Variants in MACROH2A1 observed in about 807,000 individuals in gnomAD.
MACROH2A1 encodes the protein macroH2A.1 histone.
MACROH2A1 carries 2 observed loss-of-function variants against 31.6 expected under a neutral mutation model. The ratio of observed to expected loss-of-function variants is 0.06; its 90% confidence interval spans 0.03 to 0.20. The LOEUF (loss-of-function observed/expected upper bound fraction) is 0.20. MACROH2A1 is among the 10% of genes least tolerant of loss of function. The pLI is 1.00. For missense variants in MACROH2A1, 230 were observed against 474.0 expected, an observed-to-expected ratio of 0.49 and a Z score of 4.78; for synonymous variants, 169 against 189.6, an observed-to-expected ratio of 0.89 and a Z score of 0.89.
intron 4 of MACROH2A1, among the ~76,000 whole-genome samples, chr5:135,366,623 C>T (rs1763537834): frequency 6.6e-6 from 1 of 151,188 alleles, no homozygotes; most frequent in South Asian, 2.1e-4. Flanking sequence ...GAGGGATTTA[C>T]ATCTCTATAT....
At chr5:135,350,807 C>T in intron 6 of MACROH2A1, 1 of 1,556,604 alleles carries the variant, frequency 6.4e-7, no homozygotes, top group Non-Finnish European at 8.9e-7. Context: ...CTCGGCAGCA[C>T]CCGGCTAGGC....
intron 5 of MACROH2A1, chr5:135,357,639 A>C (rs1392086900): frequency 1.8e-6 from 1 of 555,636 alleles, no homozygotes. Context: ...GACACATTAG[A>C]AATGTTTTTT....
intron 4 of MACROH2A1, chr5:135,363,011 G>C (rs915872308): frequency 4.6e-5 from 7 of 152,128 alleles, no homozygotes; most frequent in African/African-American, 1.7e-4. Flanking sequence ...TTTGGGTCCT[G>C]GCTCCCCCAA....
intron 8 of MACROH2A1, among the ~76,000 whole-genome samples, chr5:135,337,262 G>A (rs1289606526): frequency 1.3e-5 from 2 of 152,268 alleles, no homozygotes; most frequent in Admixed American, 6.5e-5. Flanking sequence ...TGTAGCTGCA[G>A]CCGGGCTGCA....
Position 135,334,980 on chromosome 5 carries a change from T to C in MACROH2A1, c.1115A>G (p.Asn372Ser), listed in dbSNP as rs200327901. 37 of 1,613,454 alleles carry C rather than the reference T, an allele frequency of 2.3e-5. No individual in the cohort carries two copies. The highest frequency in any genetic ancestry group is 3.3e-5 in the South Asian group (3 of 91,038). ...YVQEMAKLDA[N>S] ...CTGGTTCTGTCATTGCTCAGCCTAG[T>C]TGGCGTCCAGCTTGGCCATTTCCTG... Residue 372 changes from asparagine to serine, a missense_variant, in exon 9 of 9, where the codon AAC (asparagine) becomes AGC (serine). Coordinates refer to ENST00000511689, the MANE Select transcript of MACROH2A1 (RefSeq NM_138610.3).
intron 5 of MACROH2A1, chr5:135,355,030 A>AT (rs1762003926): frequency 2.2e-6 from 1 of 453,244 alleles, no homozygotes; most frequent in Non-Finnish European, 4.4e-6. Context: ...AATTCACGCA[A>AT]TTTTTTCCAA....
intron 2 of MACROH2A1, among the ~76,000 whole-genome samples, chr5:135,384,125 T>A (rs2149930028): frequency 6.6e-6 from 1 of 152,312 alleles, no homozygotes; most frequent in East Asian, 1.9e-4. Context: ...CTTGTAGGAT[T>A]CCATCCCACA....
At chr5:135,365,257 G>A (rs937660523) in intron 4 of MACROH2A1, among the ~76,000 whole-genome samples, 19 of 152,158 alleles carry the variant, frequency 1.2e-4, no homozygotes, top group Non-Finnish European at 2.8e-4. Context: ...AAAACGTTAG[G>A]GATTCCACAG....
At chr5:135,376,535 T>C (rs1468416410) in intron 2 of MACROH2A1, among the ~76,000 whole-genome samples, 1 of 152,212 alleles carries the variant, frequency 6.6e-6, no homozygotes, top group Non-Finnish European at 1.5e-5. Context: ...TCTGCCTTCC[T>C]CACCTCTGGT....
intron 2 of MACROH2A1, among the ~76,000 whole-genome samples, chr5:135,386,690 A>C (rs914418170): frequency 6.6e-5 from 10 of 152,228 alleles, no homozygotes; most frequent in Admixed American, 6.5e-5. Flanking sequence ...TATCCACCTC[A>C]GGAGCACTGG....
rs1188515539 is a variant in MACROH2A1, at chr5:135,394,215, T to A, written c.-34+4847A>T. Among the ~76,000 whole-genome samples, 3 of 152,192 alleles carry A rather than the reference T, an allele frequency of 2.0e-5. No homozygotes were observed. The East Asian group carries it at 5.8e-4, about 29-fold the overall frequency. On this transcript the variant is annotated intron_variant, in intron 1 of 8. Transcript: ENST00000511689. ...CACTGCAAACCACCTTCATTCCCAC[T>A]GGCACCTTCAGCACACCCAGCATGC...
chr5:135,351,050 G>A (rs1406407570), intron 6 of MACROH2A1: 7 of 626,232 alleles, frequency 1.1e-5, no homozygotes, highest in African/African-American at 5.4e-5. Context: ...ATCAGTCCAC[G>A]CAGTGTGCGC....
intron 2 of MACROH2A1, among the ~76,000 whole-genome samples, chr5:135,387,864 T>G (rs895313921): frequency 6.6e-6 from 1 of 152,044 alleles, no homozygotes; most frequent in African/African-American, 2.4e-5. Flanking sequence ...AAGTCCAGGG[T>G]AAGGCTGGAA....
intron 8 of MACROH2A1, among the ~76,000 whole-genome samples, chr5:135,340,805 T>C (rs1344236512): frequency 6.6e-6 from 1 of 152,234 alleles, no homozygotes; most frequent in Non-Finnish European, 1.5e-5. Flanking sequence ...CCGGCTCTGG[T>C]GTAATCCCAT....
chr5:135,335,106 A>G lies in MACROH2A1; in HGVS notation c.989T>C (p.Ile330Thr), dbSNP rs776325735. The G allele has an allele frequency of 1.1e-5, 18 of 1,614,038 alleles. No homozygotes were observed. In the South Asian group the frequency reaches 2.0e-4, roughly 18 times the overall value. Residue 330 changes from isoleucine (I) to threonine (T), a missense_variant, in exon 9 of 9, where the codon ATT becomes ACT. Physicochemically the swap from Ile to Thr is moderately conservative, Grantham distance 89. Transcript: ENST00000511689. ...GFPKQTAAQL[I>T]LKAISSYFVS... Reference sequence around the variant, plus strand: ...GAAGTAACTGGAGATGGCCTTCAGAATCAGCTGAGCTGCTGTCTGCTTTGG... The same window carrying G: ...GAAGTAACTGGAGATGGCCTTCAGAGTCAGCTGAGCTGCTGTCTGCTTTGG...
intron 2 of MACROH2A1, among the ~76,000 whole-genome samples, chr5:135,386,226 C>T (rs1000366929): frequency 1.3e-5 from 2 of 152,208 alleles, no homozygotes; most frequent in Non-Finnish European, 2.9e-5. Flanking sequence ...AGCATTCTCA[C>T]TAGACATGGC....
intron 1 of MACROH2A1, among the ~76,000 whole-genome samples, chr5:135,392,171 A>G (rs1266889815): frequency 6.6e-6 from 1 of 152,200 alleles, no homozygotes; most frequent in Non-Finnish European, 1.5e-5. Context: ...CTTTGTGGAC[A>G]TGACCACAGC....
intron 4 of MACROH2A1, among the ~76,000 whole-genome samples, chr5:135,365,780 T>C (rs1163630081): frequency 6.6e-6 from 1 of 152,208 alleles, no homozygotes. Flanking sequence ...GAGGACTTTA[T>C]CCTATACATT....
intron 4 of MACROH2A1, among the ~76,000 whole-genome samples, chr5:135,366,450 T>C (rs1763510252): frequency 6.6e-6 from 1 of 152,096 alleles, no homozygotes; most frequent in Admixed American, 6.5e-5. Flanking sequence ...TTTTTAAAGA[T>C]GAGGAAACTG....
Sources: allele counts gnomAD v4.1 joint callset (sites outside exome capture counted in the v4.1 genomes callset), GRCh38; gene constraint gnomAD v4.1.1; transcripts MANE v1.5; gene names NCBI Gene and HGNC (gene_info 2026-07-23, HGNC 2026-07-21).